CTNND2: variants seen among roughly 807,000 people sequenced by gnomAD.
CTNND2 encodes catenin delta-2.
Under a neutral mutation model 144.4 loss-of-function variants are expected in CTNND2, and 22 were observed. The ratio of observed to expected loss-of-function variants is 0.15; its 90% confidence interval spans 0.11 to 0.22. The LOEUF (loss-of-function observed/expected upper bound fraction) is 0.22, where lower values mean the gene tolerates loss of function less well. Ranked by LOEUF, CTNND2 falls within the 10% of genes least tolerant of loss-of-function variation. The probability of loss-of-function intolerance (pLI) is 1.00; values close to 1 mark genes in which losing one functional copy is unlikely to be tolerated. For synonymous variants in CTNND2, 751 were observed against 695.6 expected, an observed-to-expected ratio of 1.08 and a Z score of -1.25; for missense variants, 1,353 against 1,618.8, an observed-to-expected ratio of 0.84 and a Z score of 2.82.
intron 2 of CTNND2, among the ~76,000 whole-genome samples, chr5:11,665,902 A>G (rs1783543523): frequency 6.6e-6 from 1 of 152,194 alleles, no homozygotes; most frequent in Non-Finnish European, 1.5e-5. Context: ...AGAAATATGT[A>G]GGGGAAAACA....
intron 9 of CTNND2, among the ~76,000 whole-genome samples, chr5:11,333,679 G>A (rs1473754168): frequency 1.3e-5 from 2 of 152,194 alleles, no homozygotes; most frequent in Non-Finnish European, 2.9e-5. Context: ...GAGTAGGGAT[G>A]ACCTTCTCTG....
At chr5:11,158,817 G>T (rs1278118639) in intron 12 of CTNND2, among the ~76,000 whole-genome samples, 1 of 152,056 alleles carries the variant, frequency 6.6e-6, no homozygotes, top group East Asian at 1.9e-4. Flanking sequence ...CACCCCTTTT[G>T]CCCCTATCCC....
intron 1 of CTNND2, among the ~76,000 whole-genome samples, chr5:11,861,049 C>A (rs1037753430): frequency 3.3e-5 from 5 of 152,172 alleles, no homozygotes; most frequent in Non-Finnish European, 7.3e-5. Flanking sequence ...AAGATGTAAA[C>A]TATAGAAAAT....
intron 21 of CTNND2, among the ~76,000 whole-genome samples, chr5:10,977,653 A>G (rs907398461): frequency 4.6e-5 from 7 of 152,122 alleles, no homozygotes; most frequent in African/African-American, 1.7e-4. Flanking sequence ...CAGTTTTGCT[A>G]TGTTGCCCAA....
chr5:10,997,939 G>A (rs1170518691), intron 18 of CTNND2, among the ~76,000 whole-genome samples: 1 of 152,204 alleles, frequency 6.6e-6, no homozygotes, highest in Non-Finnish European at 1.5e-5. Flanking sequence ...GACATCAGTA[G>A]GTTTGTTAGC....
chr5:11,805,993 G>A (rs1341687567), intron 1 of CTNND2, among the ~76,000 whole-genome samples: 1 of 151,926 alleles, frequency 6.6e-6, no homozygotes, highest in Non-Finnish European at 1.5e-5. Flanking sequence ...TCCAGGAGAG[G>A]GACATCCTAT....
chr5:11,064,788 A>C (rs1747379817), intron 16 of CTNND2, among the ~76,000 whole-genome samples: 1 of 152,258 alleles, frequency 6.6e-6, no homozygotes, highest in African/African-American at 2.4e-5. Context: ...GAAAGTTATA[A>C]AGTAAACAAA....
At chr5:11,244,899 T>C (rs1742836169) in intron 9 of CTNND2, among the ~76,000 whole-genome samples, 1 of 152,154 alleles carries the variant, frequency 6.6e-6, no homozygotes, top group Admixed American at 6.5e-5. Context: ...AATCAGATAT[T>C]CCCTTCTCAT....
intron 10 of CTNND2, among the ~76,000 whole-genome samples, chr5:11,215,942 G>A (rs924103887): frequency 2.0e-5 from 3 of 152,154 alleles, no homozygotes; most frequent in African/African-American, 4.8e-5. Flanking sequence ...TTTTCATAAC[G>A]AGAGTTGGGA....
intron 1 of CTNND2, among the ~76,000 whole-genome samples, chr5:11,872,568 T>C (rs535747884): frequency 2.6e-5 from 4 of 152,234 alleles, no homozygotes; most frequent in East Asian, 1.9e-4. Context: ...TTTTTAATGA[T>C]TGCCATTTTA....
intron 11 of CTNND2, among the ~76,000 whole-genome samples, chr5:11,159,989 C>T (rs1016368460): frequency 2.0e-5 from 3 of 152,136 alleles, no homozygotes; most frequent in African/African-American, 4.8e-5. Flanking sequence ...TCTTTATTTC[C>T]TCAGGGAGCA....
chr5:11,882,229 T>C (rs571465257), intron 1 of CTNND2, among the ~76,000 whole-genome samples: 3 of 152,214 alleles, frequency 2.0e-5, no homozygotes, highest in Admixed American at 2.0e-4. Flanking sequence ...AATATTGATA[T>C]GATCCCATTT....
At chr5:11,466,067 T>C (rs1324053848) in intron 3 of CTNND2, among the ~76,000 whole-genome samples, 2 of 152,200 alleles carry the variant, frequency 1.3e-5, no homozygotes, top group African/African-American at 2.4e-5. Context: ...TGGAGTACAG[T>C]AGTATGATCA....
Position 11,903,771 on chromosome 5 carries a change from G to C in CTNND2, c.37+46C>G, listed in dbSNP as rs745456115. 22 of 1,465,734 alleles carry C rather than the reference G, an allele frequency of 1.5e-5. No individual in the cohort carries two copies. The South Asian group carries it at 2.6e-4, about 17-fold the overall frequency. 90.8% of individuals were successfully genotyped at this position (1,465,734 alleles called of 1,614,324 possible). ...GCGGCAAGAGGAGGAGGACGGCGCC[G>C]GGAGGAGGCTGCGCCCGGCCCCGGC... On this transcript the variant is annotated intron_variant, in intron 1 of 21. Coordinates refer to ENST00000304623, the MANE Select transcript of CTNND2 (RefSeq NM_001332.4). This position sits in a 1 kb window ranked among gnomAD's most constrained non-coding sequence, Gnocchi z 5.4.
rs577363823 is a variant in CTNND2, at chr5:11,855,643, G to A, written c.37+48174C>T. On this transcript the variant is annotated intron_variant, in intron 1 of 21. Coordinates refer to ENST00000304623, the MANE Select transcript of CTNND2 (RefSeq NM_001332.4). ...CATCTTGAGATTATTCAGAGATTAA[G>A]TGTTCTTGAACTCAGTCACTTTAGA... Among the ~76,000 whole-genome samples, 152 of 152,310 alleles carry A rather than the reference G, an allele frequency of 1.0e-3. 1 individual carries two copies. Among genetic ancestry groups the A allele is most frequent in the Non-Finnish European group, 1.6e-3 (112 of 68,030 alleles).
chr5:11,532,837 TCCTATGGCCCCCAGA>T (rs1230356582), intron 3 of CTNND2, among the ~76,000 whole-genome samples: 3 of 152,226 alleles, frequency 2.0e-5, no homozygotes, highest in African/African-American at 7.2e-5. Flanking sequence ...GCAAGTGACT[TCCTATGGCCCCCAGA>T]AAAGGGTTAC....
rs930200096 is a variant in CTNND2 at position 11,797,244 on chromosome 5, G to A, written c.38-64972C>T. Among the ~76,000 whole-genome samples, 3 of 152,172 alleles carry A rather than the reference G, an allele frequency of 2.0e-5. No individual in the cohort carries two copies. The East Asian group carries it at 5.8e-4, about 29-fold the overall frequency. ...GAGTGATCACCGATCATTTCGGTGTGAGTAACTCTGATATGCACACAGGGC... is the reference window on the plus strand; with the variant it reads ...GAGTGATCACCGATCATTTCGGTGTAAGTAACTCTGATATGCACACAGGGC... On this transcript the variant is annotated intron_variant, in intron 1 of 21. Coordinates refer to ENST00000304623, the MANE Select transcript of CTNND2 (RefSeq NM_001332.4).
chr5:11,129,123 A>C lies in CTNND2; in HGVS notation c.2160-11556T>G, dbSNP rs1483451262. ...AAATAAAATATATATATTATATATA[A>C]TATATATTTATATATATTATATATA... On this transcript the variant is annotated intron_variant, in intron 12 of 21. Coordinates refer to ENST00000304623, the MANE Select transcript of CTNND2 (RefSeq NM_001332.4). Among the ~76,000 whole-genome samples, 3 of 14,914 alleles carry C rather than the reference A, an allele frequency of 2.0e-4. 1 individual carries two copies. Among genetic ancestry groups the C allele is most frequent in the Non-Finnish European group, 4.6e-4 (3 of 6,570 alleles). 9.8% of individuals were successfully genotyped at this position (14,914 alleles called of 152,430 possible).
chr5:11,439,390 G>A (rs1296457378), intron 3 of CTNND2, among the ~76,000 whole-genome samples: 1 of 152,194 alleles, frequency 6.6e-6, no homozygotes, highest in Non-Finnish European at 1.5e-5. Context: ...GAAATTCTGG[G>A]ATACCCTCGT....
Sources: gnomAD v4.1 joint callset for allele counts (sites outside exome capture counted in the v4.1 genomes callset) on GRCh38, gnomAD v4.1.1 for gene constraint, Gnocchi (gnomAD v3.1) non-coding constraint, MANE v1.5 for transcripts, NCBI Gene and HGNC (gene_info 2026-07-23, HGNC 2026-07-21) for gene names.